MMP16: variants seen among roughly 807,000 people sequenced by gnomAD.
MMP16 encodes matrix metalloproteinase-16.
MMP16 carries 12 observed loss-of-function variants against 67.8 expected under a neutral mutation model. That is an observed-to-expected ratio of 0.18 (90% CI 0.11 to 0.29). MMP16 has a LOEUF of 0.29. Among genes scored for constraint, MMP16 ranks in the 10% least tolerant of loss-of-function variants. The pLI is 1.00. For missense variants in MMP16, 475 were observed against 765.7 expected (o/e 0.62, Z 4.48); for synonymous variants, 249 against 255.9 (o/e 0.97, Z 0.26).
chr8:88,254,390 A>G (rs935957533), intron 1 of MMP16, among the ~76,000 whole-genome samples: 10 of 152,022 alleles, frequency 6.6e-5, no homozygotes, highest in African/African-American at 2.4e-4. Context: ...AATAATCCAT[A>G]CAACAAACTT....
chr8:88,056,968 A>G (rs1211328596), intron 7 of MMP16, among the ~76,000 whole-genome samples: 1 of 152,078 alleles, frequency 6.6e-6, no homozygotes, highest in Non-Finnish European at 1.5e-5. Flanking sequence ...GCTGTTTGAC[A>G]ATTCTCTACA....
At chr8:88,289,644 C>T (rs902887717) in intron 1 of MMP16, among the ~76,000 whole-genome samples, 12 of 150,404 alleles carry the variant, frequency 8.0e-5, no homozygotes, top group Non-Finnish European at 1.5e-4. Context: ...GTACAGTTGC[C>T]GTGTACTCTG....
intron 6 of MMP16, among the ~76,000 whole-genome samples, chr8:88,114,848 T>C (rs1359832130): frequency 6.6e-6 from 1 of 152,002 alleles, no homozygotes; most frequent in African/African-American, 2.4e-5. Context: ...CCTGTTTTGA[T>C]ATTGGAAATA....
intron 2 of MMP16, 35 bp downstream of exon 2, chr8:88,197,123 A>T: frequency 6.3e-7 from 1 of 1,597,320 alleles, no homozygotes; most frequent in Non-Finnish European, 8.5e-7. Flanking sequence ...TGGCTCAAGG[A>T]CCAAAAAGAA....
chr8:88,145,109 A>G (rs1274482788), intron 4 of MMP16, among the ~76,000 whole-genome samples: 1 of 151,984 alleles, frequency 6.6e-6, no homozygotes, highest in Non-Finnish European at 1.5e-5. Context: ...ATGTCAGTTA[A>G]TGATGGGGAT....
intron 3 of MMP16, among the ~76,000 whole-genome samples, chr8:88,172,958 G>C (rs568152405): frequency 6.6e-6 from 1 of 152,142 alleles, no homozygotes; most frequent in African/African-American, 2.4e-5. Flanking sequence ...ATTTAGATTT[G>C]GAAATAAAAT....
At chr8:88,179,441 CAA>C (rs923649618) in intron 3 of MMP16, among the ~76,000 whole-genome samples, 2 of 123,552 alleles carry the variant, frequency 1.6e-5, no homozygotes, top group Non-Finnish European at 1.7e-5. Flanking sequence ...AATTGCCTTG[CAA>C]AAAAAAAAAG....
intron 4 of MMP16, among the ~76,000 whole-genome samples, chr8:88,162,797 T>A (rs1378428599): frequency 6.6e-6 from 1 of 152,024 alleles, no homozygotes; most frequent in Non-Finnish European, 1.5e-5. Context: ...CCTCCCACCA[T>A]GTGTAGATGT....
At chr8:88,095,441 T>A (rs754284615) in intron 6 of MMP16, among the ~76,000 whole-genome samples, 10 of 151,780 alleles carry the variant, frequency 6.6e-5, no homozygotes, top group Non-Finnish European at 1.2e-4. Flanking sequence ...TCCCCATCCG[T>A]ACCATGGGGA....
intron 1 of MMP16, among the ~76,000 whole-genome samples, chr8:88,279,273 A>G (rs1810695555): frequency 1.3e-5 from 2 of 151,900 alleles, no homozygotes; most frequent in African/African-American, 4.8e-5. Context: ...TCCCATTAAT[A>G]TTTTTATTGG....
At chr8:88,273,146 C>T (rs558510977) in intron 1 of MMP16, among the ~76,000 whole-genome samples, 56 of 151,170 alleles carry the variant, frequency 3.7e-4, no homozygotes, top group Admixed American at 9.9e-4. Flanking sequence ...TGCAGTGGCA[C>T]GATCTAACCT....
intron 4 of MMP16, among the ~76,000 whole-genome samples, chr8:88,126,729 A>G (rs1807938884): frequency 6.6e-6 from 1 of 151,842 alleles, no homozygotes; most frequent in Non-Finnish European, 1.5e-5. Flanking sequence ...TACCGTATTT[A>G]AAGTCCTGAC....
At position 88,164,678 on chromosome 8, in the gene MMP16, A is replaced by G. The variant is rs192477414; in HGVS notation, c.709+2991T>C. On this transcript the variant is annotated intron_variant, in intron 4 of 9. Coordinates refer to ENST00000286614, the MANE Select transcript of MMP16 (RefSeq NM_005941.5). ...CACCAGCAAAGTGTTCTTGTTAGAC[A>G]GGTAAAGACATAGTTTCCTCCAAAT... 7.0e-4 allele frequency among the ~76,000 whole-genome samples: 107 copies of G among 152,144 alleles called. No homozygotes were observed. In the East Asian group the frequency reaches 0.019, roughly 27 times the overall value.
At chr8:88,119,626 T>G (rs1807785917) in intron 4 of MMP16, among the ~76,000 whole-genome samples, 1 of 152,062 alleles carries the variant, frequency 6.6e-6, no homozygotes, top group South Asian at 2.1e-4. Flanking sequence ...TTGGTGTGAT[T>G]TTATGCAATC....
chr8:88,271,650 C>A (rs1426111394), intron 1 of MMP16, among the ~76,000 whole-genome samples: 1 of 151,902 alleles, frequency 6.6e-6, no homozygotes. Context: ...TGTGCCAACA[C>A]GTTCAGCTGC....
chr8:88,176,733 A>G (rs1171275072), intron 3 of MMP16, among the ~76,000 whole-genome samples: 2 of 152,170 alleles, frequency 1.3e-5, no homozygotes, highest in African/African-American at 4.8e-5. Context: ...TTTTATATAT[A>G]CAAGGATCTG....
At chr8:88,087,167 G>C (rs1415512024) in intron 6 of MMP16, among the ~76,000 whole-genome samples, 4 of 151,798 alleles carry the variant, frequency 2.6e-5, no homozygotes, top group African/African-American at 9.7e-5. Flanking sequence ...AGCCTACTTA[G>C]ATTATAAATC....
At chr8:88,115,474 T>G (rs1264127320) in intron 6 of MMP16, among the ~76,000 whole-genome samples, 1 of 152,066 alleles carries the variant, frequency 6.6e-6, no homozygotes, top group East Asian at 1.9e-4. Context: ...CTGGAAAGCA[T>G]GATGCTTTTA....
intron 1 of MMP16, among the ~76,000 whole-genome samples, chr8:88,206,262 C>A (rs893175712): frequency 6.6e-6 from 1 of 152,120 alleles, no homozygotes; most frequent in South Asian, 2.1e-4. Flanking sequence ...TTTTTCATCA[C>A]CCCAAACTGA....
Sources: allele counts gnomAD v4.1 joint callset (sites outside exome capture counted in the v4.1 genomes callset), GRCh38; gene constraint gnomAD v4.1.1; transcripts MANE v1.5; gene names NCBI Gene and HGNC (gene_info 2026-07-23, HGNC 2026-07-21).